Variants in IFT74 observed in about 807,000 individuals in gnomAD.
The protein encoded by IFT74 is intraflagellar transport protein 74 homolog.
Under a neutral mutation model 96.7 loss-of-function variants are expected in IFT74, and 92 were observed. The observed-to-expected ratio is 0.95, with a 90% CI of 0.80 to 1.13. IFT74 has a LOEUF of 1.13. IFT74 is among the 50% of genes most tolerant of loss of function. The probability of loss-of-function intolerance (pLI) is 0.00; values close to 1 mark genes in which losing one functional copy is unlikely to be tolerated. For missense variants in IFT74, 811 were observed against 698.2 expected (o/e 1.16, Z -1.82); for synonymous variants, 223 against 213.2 (o/e 1.05, Z -0.40).
intron 1 of IFT74, among the ~76,000 whole-genome samples, chr9:26,959,210 G>T (rs902322530): frequency 4.6e-5 from 7 of 152,134 alleles, no homozygotes; most frequent in Non-Finnish European, 8.8e-5. Context: ...CCGGGTTCAC[G>T]CCATTCTCCT....
intron 2 of IFT74, among the ~76,000 whole-genome samples, chr9:26,967,158 G>A (rs898338200): frequency 6.6e-6 from 1 of 151,242 alleles, no homozygotes; most frequent in Non-Finnish European, 1.5e-5. Flanking sequence ...TTTTGACAAG[G>A]ATTGCATTGA....
At chr9:27,044,368 A>G (rs377633268) in intron 13 of IFT74, among the ~76,000 whole-genome samples, 2 of 152,118 alleles carry the variant, frequency 1.3e-5, no homozygotes, top group Non-Finnish European at 2.9e-5. Flanking sequence ...TAATTGTTCA[A>G]TCTTTAGAGT....
intron 16 of IFT74, among the ~76,000 whole-genome samples, chr9:27,048,896 C>A (rs555898607): frequency 2.5e-3 from 384 of 152,160 alleles, no homozygotes; most frequent in African/African-American, 8.8e-3. Context: ...TTTTTTGTCC[C>A]CTCCAAATTT....
In IFT74 at chr9:27,048,917, T is replaced by C. The variant is rs12352278; in HGVS notation, c.1333+643T>C. ...GTCCCCTCCAAATTTTATGTTGAAA[T>C]GTGACCTCTAGTGTGGGAGGTGGGC... On this transcript the variant is annotated intron_variant, in intron 16 of 19. Transcript: ENST00000380062. Among the ~76,000 whole-genome samples the C allele has an allele frequency of 7.9e-3, 1,208 of 152,254 alleles. 16 individuals carry two copies. The highest frequency in any genetic ancestry group is 0.027 in the African/African-American group (1,138 of 41,544).
chr9:26,982,421 T>C, intron 4 of IFT74: 1 of 414,704 alleles, frequency 2.4e-6, no homozygotes, highest in Non-Finnish European at 4.8e-6. Flanking sequence ...GGATTACGGG[T>C]GCCTGCCACC....
At chr9:26,998,375 G>A (rs1828287248) in intron 8 of IFT74, 1 of 518,422 alleles carries the variant, frequency 1.9e-6, no homozygotes, top group South Asian at 4.0e-5. Flanking sequence ...ATATTTTGGT[G>A]TTACAGTAGA....
chr9:27,056,130 A>G (rs977389741), intron 17 of IFT74, among the ~76,000 whole-genome samples: 2 of 152,208 alleles, frequency 1.3e-5, no homozygotes, highest in East Asian at 3.9e-4. Context: ...CGGGAGAGAT[A>G]TGGCAGCATT....
At chr9:26,986,704 C>T (rs1248862711) in intron 6 of IFT74, among the ~76,000 whole-genome samples, 1 of 152,090 alleles carries the variant, frequency 6.6e-6, no homozygotes. Context: ...TTCACTGCAG[C>T]CTCAAACTCC....
At chr9:27,057,345 C>T (rs1820213139) in intron 18 of IFT74, among the ~76,000 whole-genome samples, 1 of 152,096 alleles carries the variant, frequency 6.6e-6, no homozygotes, top group Non-Finnish European at 1.5e-5. Context: ...TCTGACGGGA[C>T]AGAGACAATG....
chr9:27,040,322 G>T (rs980110025), intron 13 of IFT74, among the ~76,000 whole-genome samples: 2 of 152,004 alleles, frequency 1.3e-5, no homozygotes, highest in Admixed American at 6.6e-5. Flanking sequence ...AGGCTGAAGT[G>T]GGGGGATCAC....
chr9:27,014,369 C>G lies in IFT74; in HGVS notation c.789+2401C>G, dbSNP rs527760403. Among the ~76,000 whole-genome samples, 6 of 152,256 alleles carry G rather than the reference C, an allele frequency of 3.9e-5. No homozygotes were observed. In the East Asian group the frequency reaches 1.2e-3, roughly 29 times the overall value. ...AATACAACCAGCTTGCAGAATTCCT[C>G]ATGGTTCTTTTTTGGAGTGGGTTTG... On this transcript the variant is annotated intron_variant, in intron 10 of 19. Coordinates refer to ENST00000380062, the MANE Select transcript of IFT74 (RefSeq NM_025103.4).
At chr9:27,053,160 CCTTT>C (rs1451759438) in intron 16 of IFT74, among the ~76,000 whole-genome samples, 1 of 99,624 alleles carries the variant, frequency 1.0e-5, no homozygotes, top group African/African-American at 4.0e-5. Context: ...CCGCGCCTGG[CCTTT>C]TTTTTTTTTT....
At chr9:27,021,248 G>A (rs1209247866) in intron 12 of IFT74, among the ~76,000 whole-genome samples, 1 of 151,790 alleles carries the variant, frequency 6.6e-6, no homozygotes, top group African/African-American at 2.4e-5. Context: ...TGGCTTTTTG[G>A]CTGTTTCCAT....
At chr9:26,990,954 A>G (rs1451732352) in intron 8 of IFT74, among the ~76,000 whole-genome samples, 1 of 152,216 alleles carries the variant, frequency 6.6e-6, no homozygotes, top group Non-Finnish European at 1.5e-5. Flanking sequence ...TATTTATTCT[A>G]AGGCAACACA....
upstream of IFT74, among the ~76,000 whole-genome samples, chr9:26,952,096 A>G (rs1384627645): frequency 6.6e-6 from 1 of 152,180 alleles, no homozygotes; most frequent in Non-Finnish European, 1.5e-5. Flanking sequence ...TACATTTAGT[A>G]AGCGTTTTTC....
rs779380308 is a variant in IFT74 at position 27,047,253 on chromosome 9, CTT to C, written c.1109-20_1109-19del. On this transcript the variant is annotated intron_variant, in intron 14 of 19. Coordinates refer to ENST00000380062, the MANE Select transcript of IFT74 (RefSeq NM_025103.4). ...GTTAACTCTATCAGCAGTAATCTCTCTTATGTTTTCCAATTGTCAGCTTTTAT... is the reference window on the plus strand; with the variant it reads ...GTTAACTCTATCAGCAGTAATCTCTCATGTTTTCCAATTGTCAGCTTTTAT... 7.7e-5 allele frequency: 114 copies of C among 1,471,444 alleles called. No homozygotes were observed. The East Asian group carries it at 8.0e-4, about 10-fold the overall frequency. 91.1% of individuals were successfully genotyped at this position (1,471,444 alleles called of 1,614,324 possible). A position where few individuals can be genotyped will look rare whatever the true frequency, so the allele number is the denominator to read the frequency against.
chr9:27,026,116 T>C (rs1829851211), intron 12 of IFT74, among the ~76,000 whole-genome samples: 1 of 152,150 alleles, frequency 6.6e-6, no homozygotes, highest in South Asian at 2.1e-4. Context: ...AGGTCTCACA[T>C]AAACTTAAGG....
chr9:27,005,850 C>CTT (rs1415009803), intron 8 of IFT74, among the ~76,000 whole-genome samples: 3 of 146,788 alleles, frequency 2.0e-5, no homozygotes, highest in Non-Finnish European at 3.1e-5. Context: ...TCTTTTTTTT[C>CTT]TTTTTTTGAG....
At chr9:26,989,274 T>A (rs1233263705) in intron 7 of IFT74, among the ~76,000 whole-genome samples, 4 of 152,162 alleles carry the variant, frequency 2.6e-5, no homozygotes, top group Admixed American at 6.5e-5. Flanking sequence ...TGTTCATTAT[T>A]TGGGTGATGG....
Sources: allele counts gnomAD v4.1 joint callset (sites outside exome capture counted in the v4.1 genomes callset), GRCh38; gene constraint gnomAD v4.1.1; transcripts MANE v1.5; gene names NCBI Gene and HGNC (gene_info 2026-07-23, HGNC 2026-07-21).